Variants in GNG7 observed in about 807,000 individuals in gnomAD.
GNG7 encodes G protein subunit gamma 7.
A neutral mutation model predicts 4.0 loss-of-function variants in GNG7; 1 was observed. The ratio of observed to expected loss-of-function variants is 0.25; its 90% CI spans 0.09 to 1.18. GNG7 has a LOEUF of 1.18. GNG7 is among the 50% of genes most tolerant of loss of function. The pLI, the probability that GNG7 is intolerant of heterozygous loss-of-function variation, is 0.50. For synonymous variants in GNG7, 34 were observed against 36.9 expected (o/e 0.92, Z 0.29); for missense variants, 86 against 91.9 (o/e 0.94, Z 0.26).
intron 2 of GNG7, among the ~76,000 whole-genome samples, chr19:2,576,376 C>T (rs1980340591): frequency 6.6e-6 from 1 of 152,234 alleles, no homozygotes; most frequent in Non-Finnish European, 1.5e-5. Context: ...TGACCCACTC[C>T]CTCCTAGAGT....
chr19:2,627,891 TTG>T (rs780869562), intron 2 of GNG7, among the ~76,000 whole-genome samples: 19 of 152,206 alleles, frequency 1.2e-4, no homozygotes, highest in Non-Finnish European at 2.2e-4. Flanking sequence ...CCTTCATTCT[TTG>T]TTTCTTTCAC....
rs1982876282 is a variant in GNG7, at chr19:2,653,212, G to A, written c.-134-6932C>T. ...TATTAAGGTGCTGGTTGTTATTTTT[G>A]CTTGTAATTCTGAAAAGGCTGATAG... On this transcript the variant is annotated intron_variant, in intron 1 of 4. Transcript: ENST00000382159. The surrounding 1 kb of genome is among the most constrained non-coding windows in gnomAD (Gnocchi z 4.8). Among the ~76,000 whole-genome samples the A allele has an allele frequency of 6.6e-6, 1 of 152,190 alleles. No individual in the cohort carries two copies. The highest frequency in any genetic ancestry group is 1.5e-5 in the Non-Finnish European group (1 of 68,032).
chr19:2,651,922 C>T (rs1029323614), intron 1 of GNG7, among the ~76,000 whole-genome samples: 2 of 151,854 alleles, frequency 1.3e-5, no homozygotes, highest in Admixed American at 6.6e-5. Context: ...TGCCTGTTAT[C>T]CCAGCACTTT....
At chr19:2,627,874 C>A (rs1446538559) in intron 2 of GNG7, among the ~76,000 whole-genome samples, 1 of 152,202 alleles carries the variant, frequency 6.6e-6, no homozygotes, top group Non-Finnish European at 1.5e-5. Flanking sequence ...GAGGATCGGT[C>A]CCAGCACCTT....
chr19:2,593,978 TCTGGATTAAATA>T (rs1035982084), intron 2 of GNG7, among the ~76,000 whole-genome samples: 1 of 147,038 alleles, frequency 6.8e-6, no homozygotes, highest in African/African-American at 2.5e-5. Context: ...CCTTCTCAAA[TCTGGATTAAATA>T]CTATACTTTA....
At chr19:2,690,554 A>G (rs1913113722) in intron 1 of GNG7, among the ~76,000 whole-genome samples, 1 of 151,426 alleles carries the variant, frequency 6.6e-6, no homozygotes, top group East Asian at 1.9e-4. Flanking sequence ...CTGATTACAA[A>G]TCCATGTGAG....
chr19:2,691,463 G>A (rs187303149), intron 1 of GNG7, among the ~76,000 whole-genome samples: 6 of 152,204 alleles, frequency 3.9e-5, no homozygotes, highest in Non-Finnish European at 8.8e-5. Flanking sequence ...AGAATCACTT[G>A]AGCCTGGGAG....
intron 2 of GNG7, among the ~76,000 whole-genome samples, chr19:2,645,233 CTCT>C (rs1982632683): frequency 1.6e-5 from 2 of 123,162 alleles, no homozygotes; most frequent in Non-Finnish European, 3.4e-5. Context: ...TCTTTTCTCT[CTCT>C]CTCTCTCTTT....
intron 3 of GNG7, among the ~76,000 whole-genome samples, chr19:2,522,217 G>A (rs1022702792): frequency 6.6e-6 from 1 of 152,120 alleles, no homozygotes. Flanking sequence ...CCAGCCCCAC[G>A]TGTCAGTAGT....
intron 2 of GNG7, among the ~76,000 whole-genome samples, chr19:2,577,120 A>G (rs1980365268): frequency 6.6e-6 from 1 of 152,226 alleles, no homozygotes; most frequent in African/African-American, 2.4e-5. Flanking sequence ...TGGGGCAGTG[A>G]GCTCAGTCTC....
intron 2 of GNG7, among the ~76,000 whole-genome samples, chr19:2,556,884 G>A (rs1291120130): frequency 1.3e-5 from 2 of 152,156 alleles, no homozygotes; most frequent in African/African-American, 4.8e-5. Flanking sequence ...GCACCCCCCA[G>A]ATGTGTTGGC....
intron 2 of GNG7, among the ~76,000 whole-genome samples, chr19:2,559,634 C>T (rs1017512082): frequency 2.0e-5 from 3 of 152,124 alleles, no homozygotes; most frequent in Admixed American, 2.0e-4. Flanking sequence ...CCTGCCTCAG[C>T]CTCCCGAGTA....
At chr19:2,553,383 C>CATATATATATATATATATATATATATAT (rs200287140) in intron 3 of GNG7, among the ~76,000 whole-genome samples, 12 of 127,736 alleles carry the variant, frequency 9.4e-5, no homozygotes, top group East Asian at 6.9e-4. Flanking sequence ...TGGTGCTGAG[C>CATATATATATATATATATATATATATAT]ATATATATAT....
At chr19:2,684,711 G>A (rs1343543332) in intron 1 of GNG7, among the ~76,000 whole-genome samples, 1 of 152,124 alleles carries the variant, frequency 6.6e-6, no homozygotes, top group African/African-American at 2.4e-5. Context: ...GATGGGGGCC[G>A]GGCACAGTGG....
intron 2 of GNG7, among the ~76,000 whole-genome samples, chr19:2,571,177 G>A (rs546163339): frequency 7.2e-5 from 11 of 152,152 alleles, no homozygotes; most frequent in East Asian, 1.9e-4. Context: ...GACTGTCACC[G>A]ATGGAAGCCT....
chr19:2,511,953 C>G lies in GNG7; in HGVS notation c.*3069G>C. On this transcript the variant is annotated 3_prime_UTR_variant, in exon 5 of 5. Transcript: ENST00000382159. The surrounding 1 kb of genome is among the most constrained non-coding windows in gnomAD (Gnocchi z 6.3). ...GTGCCCAGGTGGGTCACAACAGGGT[C>G]GGGGCCTGGCCCGCTGTGGCCCTTC... 1.0e-6 allele frequency: 1 copy of G among 985,848 alleles called. No homozygotes were observed. The highest frequency in any genetic ancestry group is 1.2e-6 in the Non-Finnish European group (1 of 829,988). 61.1% of individuals were successfully genotyped at this position (985,848 alleles called of 1,614,324 possible).
At chr19:2,632,463 A>G (rs1379903618) in intron 2 of GNG7, 2 of 144,484 alleles carry the variant, frequency 1.4e-5, no homozygotes, top group African/African-American at 5.5e-5. Flanking sequence ...CCAACCTGCT[A>G]TAAACAAAAC....
At chr19:2,595,970 G>T (rs1981006455) in intron 2 of GNG7, among the ~76,000 whole-genome samples, 1 of 152,024 alleles carries the variant, frequency 6.6e-6, no homozygotes, top group African/African-American at 2.4e-5. Flanking sequence ...ACCGAATCCA[G>T]CTCTCACGGC....
intron 1 of GNG7, among the ~76,000 whole-genome samples, chr19:2,669,056 T>C (rs1983383268): frequency 6.6e-6 from 1 of 152,088 alleles, no homozygotes; most frequent in Non-Finnish European, 1.5e-5. Context: ...GGAAACACAC[T>C]GAAACGAGGT....
Sources: gnomAD v4.1 joint callset for allele counts (sites outside exome capture counted in the v4.1 genomes callset) on GRCh38, gnomAD v4.1.1 for gene constraint, Gnocchi (gnomAD v3.1) non-coding constraint, MANE v1.5 for transcripts, NCBI Gene and HGNC (gene_info 2026-07-23, HGNC 2026-07-21) for gene names.